Variants in GRM7 observed in about 807,000 individuals in gnomAD.
GRM7 encodes glutamate metabotropic receptor 7, also known as metabotropic glutamate receptor 7.
In GRM7, 35 loss-of-function variants were observed where a neutral mutation model predicts 84.5. The ratio of observed to expected loss-of-function variants is 0.41; its 90% CI spans 0.32 to 0.55. The LOEUF is 0.55. Ranked by LOEUF, GRM7 falls within the 20% of genes least tolerant of loss-of-function variation. The probability of loss-of-function intolerance (pLI) is 0.19; values close to 1 mark genes in which losing one functional copy is unlikely to be tolerated. For synonymous variants in GRM7, 487 were observed against 455.1 expected (o/e 1.07, Z -0.89); for missense variants, 1,003 against 1,194.6 (o/e 0.84, Z 2.36).
intron 4 of GRM7, among the ~76,000 whole-genome samples, chr3:7,343,034 T>G (rs1692715009): frequency 6.6e-6 from 1 of 152,188 alleles, no homozygotes; most frequent in Admixed American, 6.5e-5. Flanking sequence ...TTTACTAATA[T>G]TACTTATTTA....
Position 6,861,383 on chromosome 3 carries a change from A to G in GRM7, c.-6A>G. The G allele has an allele frequency of 6.6e-7, 1 of 1,518,546 alleles. No homozygotes were observed. Among genetic ancestry groups the G allele is most frequent in the Non-Finnish European group, 8.8e-7 (1 of 1,139,708 alleles). 94.1% of individuals were successfully genotyped at this position (1,518,546 alleles called of 1,614,324 possible). ...CCGCCGCCGCCACCGCAGCAGCCGG[A>G]GCAGCATGGTCCAGCTGAGGAAGCT... On this transcript the variant is annotated 5_prime_UTR_variant, in exon 1 of 10. Transcript: ENST00000357716. This position sits in a 1 kb window ranked among gnomAD's most constrained non-coding sequence, Gnocchi z 6.4.
chr3:7,048,224 A>G (rs1246760033), intron 1 of GRM7, among the ~76,000 whole-genome samples: 2 of 152,052 alleles, frequency 1.3e-5, no homozygotes, highest in African/African-American at 4.8e-5. Context: ...TTATCCAAGC[A>G]TAACTGAGTC....
At chr3:7,463,064 G>A (rs900409021) in intron 7 of GRM7, among the ~76,000 whole-genome samples, 1 of 152,152 alleles carries the variant, frequency 6.6e-6, no homozygotes. Flanking sequence ...CACTCAAAGT[G>A]TGTTTTTACT....
chr3:7,144,567 T>TA (rs1694049598), intron 1 of GRM7, among the ~76,000 whole-genome samples: 1 of 152,130 alleles, frequency 6.6e-6, no homozygotes, highest in Non-Finnish European at 1.5e-5. Flanking sequence ...AGGAAAAACA[T>TA]ACCATTCTTT....
At chr3:6,998,188 A>G (rs1289400951) in intron 1 of GRM7, among the ~76,000 whole-genome samples, 1 of 148,908 alleles carries the variant, frequency 6.7e-6, no homozygotes, top group Non-Finnish European at 1.5e-5. Flanking sequence ...CATTGGTTAA[A>G]TACACCCATT....
At chr3:7,306,805 A>C (rs1044414967) in intron 4 of GRM7, among the ~76,000 whole-genome samples, 153 bp downstream of exon 4, 1 of 152,186 alleles carries the variant, frequency 6.6e-6, no homozygotes, top group Non-Finnish European at 1.5e-5. Context: ...GAGGCCACAC[A>C]CCTGGTCTGT....
intron 9 of GRM7, among the ~76,000 whole-genome samples, chr3:7,733,722 G>A (rs1253145533): frequency 2.0e-5 from 3 of 152,154 alleles, no homozygotes; most frequent in Non-Finnish European, 2.9e-5. Context: ...ACAATCTGCA[G>A]GTTTATTGAA....
rs372898836 is a variant in GRM7 at position 7,473,489 on chromosome 3, G to GGAGAGAGAGAGAGAGAGA, written c.1515+11792_1515+11809dup. 6.3e-3 allele frequency among the ~76,000 whole-genome samples: 792 copies of GGAGAGAGAGAGAGAGAGA among 126,450 alleles called. 7 individuals carry two copies. Among genetic ancestry groups the GGAGAGAGAGAGAGAGAGA allele is most frequent in the Non-Finnish European group, 9.6e-3 (583 of 60,914 alleles). The allele number at this position is 126,450 out of a possible 152,430, so 83.0% of individuals were successfully genotyped here. On this transcript the variant is annotated intron_variant, in intron 7 of 9. Coordinates refer to ENST00000357716, the MANE Select transcript of GRM7 (RefSeq NM_000844.4). The stretch of plus-strand genomic sequence containing the variant: ...AGACTCTGTCTCTTAAAAACGAGAG[G>GGAGAGAGAGAGAGAGAGA]GAGAGAGAGAGAGAGAGAGAGAGAG...
intron 4 of GRM7, among the ~76,000 whole-genome samples, chr3:7,364,810 GCTTA>G (rs1265638217): frequency 6.6e-6 from 1 of 151,602 alleles, no homozygotes; most frequent in Admixed American, 6.6e-5. Context: ...CTTATAAATC[GCTTA>G]CTATTTGTCC....
Position 7,493,555 on chromosome 3 carries a change from A to G in GRM7, c.1515+31833A>G, listed in dbSNP as rs575403383. Among the ~76,000 whole-genome samples, 17 of 152,058 alleles carry G rather than the reference A, an allele frequency of 1.1e-4. No homozygotes were observed. The East Asian group carries it at 3.3e-3, about 29-fold the overall frequency. On this transcript the variant is annotated intron_variant, in intron 7 of 9. Transcript: ENST00000357716. ...TTGCATCTTGTTTACCTTCAACCTA[A>G]CTAGTAAGTTGAATTTGAAGTGAGT... is the stretch of plus-strand genomic sequence containing the variant.
chr3:7,458,276 TAG>T (rs2124902321), intron 6 of GRM7, among the ~76,000 whole-genome samples: 1 of 152,292 alleles, frequency 6.6e-6, no homozygotes, highest in East Asian at 1.9e-4. Flanking sequence ...TCTTTTGCCC[TAG>T]TGTACCTGCA....
intron 7 of GRM7, among the ~76,000 whole-genome samples, chr3:7,572,303 T>C (rs1345907227): frequency 6.6e-6 from 1 of 152,188 alleles, no homozygotes; most frequent in Admixed American, 6.5e-5. Context: ...CCTCAGAGAT[T>C]GTGATTTAAT....
intron 1 of GRM7, among the ~76,000 whole-genome samples, chr3:7,008,722 G>A (rs1309073665): frequency 6.6e-6 from 1 of 152,158 alleles, no homozygotes; most frequent in African/African-American, 2.4e-5. Context: ...GGCCAGAAGT[G>A]GCTTTCAGAG....
rs116238947 is a variant in GRM7 at position 7,260,442 on chromosome 3, G to T, written c.737-38242G>T. On this transcript the variant is annotated intron_variant, in intron 2 of 9. Coordinates refer to ENST00000357716, the MANE Select transcript of GRM7 (RefSeq NM_000844.4). The stretch of plus-strand genomic sequence containing the variant: ...CAGTTTCAGTCTTGGGAGGATGTAG[G>T]TGTCCAGGAATTTATCCGTTTCTTC... 7.5e-3 allele frequency among the ~76,000 whole-genome samples: 1,140 copies of T among 152,168 alleles called. 20 individuals carry two copies. Among genetic ancestry groups the T allele is most frequent in the African/African-American group, 0.024 (992 of 41,502 alleles).
chr3:6,970,843 G>A lies in GRM7; in HGVS notation c.519+108936G>A, dbSNP rs565574753. On this transcript the variant is annotated intron_variant, in intron 1 of 9. Transcript: ENST00000357716. ...ACAAAATACAAAAAATTAGCCGGGC[G>A]TGGTGGCGGGCGCCTGTAGTCCCAG... Among the ~76,000 whole-genome samples, 17 of 152,212 alleles carry A rather than the reference G, an allele frequency of 1.1e-4. No individual in the cohort carries two copies. The South Asian group carries it at 1.9e-3, about 17-fold the overall frequency.
intron 8 of GRM7, among the ~76,000 whole-genome samples, chr3:7,639,309 C>G (rs148721921): frequency 6.6e-6 from 1 of 152,172 alleles, no homozygotes; most frequent in Non-Finnish European, 1.5e-5. Flanking sequence ...CTTGCCCATG[C>G]GCAGCCGCAA....
At chr3:7,215,538 G>A (rs540771693) in intron 2 of GRM7, among the ~76,000 whole-genome samples, 1 of 151,960 alleles carries the variant, frequency 6.6e-6, no homozygotes, top group East Asian at 1.9e-4. Flanking sequence ...GGTGGTGGGC[G>A]CCTGTAGTCC....
chr3:7,578,730 C>A lies in GRM7; in HGVS notation c.1824C>A (p.Val608=). 6.2e-7 allele frequency: 1 copy of A among 1,614,122 alleles called. No individual in the cohort carries two copies. The highest frequency in any genetic ancestry group is 2.2e-5 in the East Asian group (1 of 44,862). ...TGGGGATCATTGCCACCATCTTTGT[C>A]ATGGCCACTTTCATCCGCTACAATG... ...AMLGIIATIF[V]MATFIRYNDT... The change falls in exon 8 of 10, where the codon GTC becomes GTA. Residue 608 remains valine (V), a synonymous_variant. Transcript: ENST00000357716.
chr3:7,592,642 C>G (rs1695851335), intron 8 of GRM7, among the ~76,000 whole-genome samples: 1 of 152,158 alleles, frequency 6.6e-6, no homozygotes, highest in African/African-American at 2.4e-5. Flanking sequence ...CTGATCCTCC[C>G]AAATACATTA....
Sources: allele counts gnomAD v4.1 joint callset (sites outside exome capture counted in the v4.1 genomes callset), GRCh38; gene constraint gnomAD v4.1.1; non-coding constraint Gnocchi (gnomAD v3.1); transcripts MANE v1.5; gene names NCBI Gene and HGNC (gene_info 2026-07-23, HGNC 2026-07-21).